Variants in ZAP70 observed in about 807,000 individuals in gnomAD.
ZAP70 encodes the protein zeta chain of T cell receptor associated protein kinase 70, also known as tyrosine-protein kinase ZAP-70.
ZAP70 carries 27 observed loss-of-function variants against 65.8 expected under a neutral mutation model. The observed-to-expected ratio is 0.41, with a 90% CI of 0.30 to 0.57. The LOEUF (loss-of-function observed/expected upper bound fraction) is 0.57, where lower values mean the gene tolerates loss of function less well. Ranked by LOEUF, ZAP70 falls within the 20% of genes least tolerant of loss-of-function variation. The probability of loss-of-function intolerance (pLI) is 0.28; values close to 1 mark genes in which losing one functional copy is unlikely to be tolerated. For missense variants in ZAP70, 696 were observed against 870.5 expected, an observed-to-expected ratio of 0.80 and a Z score of 2.52; for synonymous variants, 363 against 360.8, an observed-to-expected ratio of 1.01 and a Z score of -0.07.
At chr2:97,734,813 A>T in intron 9 of ZAP70, 101 bp downstream of exon 9, 1 of 1,462,350 alleles carries the variant, frequency 6.8e-7, no homozygotes, top group Non-Finnish European at 9.4e-7. Flanking sequence ...GTCTCACAGC[A>T]GTTTGCCTGG....
chr2:97,724,886 G>T, intron 3 of ZAP70: 7 of 1,531,788 alleles, frequency 4.6e-6, no homozygotes, highest in Non-Finnish European at 6.1e-6. Flanking sequence ...TTGGGGCCGC[G>T]CTGGAAGGTG....
chr2:97,744,572 C>G (rs1010745946), downstream of ZAP70, among the ~76,000 whole-genome samples: 3 of 152,134 alleles, frequency 2.0e-5, no homozygotes, highest in African/African-American at 7.2e-5. Flanking sequence ...TGGAGGAAAG[C>G]AAACTGGGGA....
At chr2:97,744,340 A>G (rs1422281313), downstream of ZAP70, among the ~76,000 whole-genome samples, 1 of 152,298 alleles carries the variant, frequency 6.6e-6, no homozygotes, top group East Asian at 1.9e-4. Flanking sequence ...AAGTGAAAAA[A>G]ACCAAAACTG....
At chr2:97,751,680 G>A in the ZAP70 span, among the ~76,000 whole-genome samples, 1 of 152,198 alleles carries the variant, frequency 6.6e-6, no homozygotes, top group African/African-American at 2.4e-5. Flanking sequence ...GTGTGAAGAG[G>A]TTTATTTGGC....
chr2:97,756,156 A>ATGAT, the ZAP70 span, among the ~76,000 whole-genome samples: 13,692 of 152,250 alleles, frequency 0.09, 699 homozygotes, highest in Middle Eastern at 0.17. Flanking sequence ...AGGACCCTCC[A>ATGAT]TGATTGCCAT....
chr2:97,731,219 G>A lies in ZAP70; in HGVS notation c.564-1664G>A, dbSNP rs1481384242. Among the ~76,000 whole-genome samples the A allele has an allele frequency of 6.6e-6, 1 of 152,138 alleles. No homozygotes were observed. Among genetic ancestry groups the A allele is most frequent in the Non-Finnish European group, 1.5e-5 (1 of 68,028 alleles). On this transcript the variant is annotated intron_variant, in intron 4 of 13. Transcript: ENST00000264972. This position sits in a 1 kb window ranked among gnomAD's most constrained non-coding sequence, Gnocchi z 4.0. ...CAGTCCCTGGAGACCATCACCTCCA[G>A]GCCAGCCTGCCACCTGCCTCTGACT...
At chr2:97,755,148 A>C in the ZAP70 span, among the ~76,000 whole-genome samples, 1 of 152,218 alleles carries the variant, frequency 6.6e-6, no homozygotes, top group African/African-American at 2.4e-5. Context: ...CAATGAGAAA[A>C]GCAAGTTGGA....
intron 2 of ZAP70, among the ~76,000 whole-genome samples, chr2:97,721,785 CTT>C (rs1462513008): frequency 2.1e-5 from 3 of 140,980 alleles, no homozygotes; most frequent in African/African-American, 2.6e-5. Context: ...TTTATTTTAT[CTT>C]TTTTTTTTTT....
chr2:97,732,724 TG>T, intron 4 of ZAP70, 158 bp from the exon 5 acceptor site: 1 of 1,033,838 alleles, frequency 9.7e-7, no homozygotes, highest in Non-Finnish European at 1.4e-6. Flanking sequence ...TCAGCAGATC[TG>T]GAGGTGATGG....
chr2:97,753,684 T>C, the ZAP70 span, among the ~76,000 whole-genome samples: 2 of 152,164 alleles, frequency 1.3e-5, no homozygotes, highest in Non-Finnish European at 2.9e-5. Flanking sequence ...TATAAACATA[T>C]AAGATACCTG....
At chr2:97,727,705 G>C (rs1342304470) in intron 4 of ZAP70, among the ~76,000 whole-genome samples, 1 of 152,090 alleles carries the variant, frequency 6.6e-6, no homozygotes, top group Non-Finnish European at 1.5e-5. Context: ...TGTCTTCTTT[G>C]ATTTTATAAT....
At chr2:97,716,498 G>C (rs1221097902) in intron 2 of ZAP70, among the ~76,000 whole-genome samples, 1 of 152,344 alleles carries the variant, frequency 6.6e-6, no homozygotes, top group East Asian at 1.9e-4. Context: ...GGGCTAGAGA[G>C]AGAAGGAGAG....
At chr2:97,724,491 C>T (rs1267615910) in intron 3 of ZAP70, 53 bp downstream of exon 3, 5 of 1,504,946 alleles carry the variant, frequency 3.3e-6, no homozygotes, top group Non-Finnish European at 4.4e-6. Context: ...CGAAGAGGGG[C>T]AGTCGAGGGT....
At chr2:97,747,232 G>GT in the ZAP70 span, among the ~76,000 whole-genome samples, 7 of 152,306 alleles carry the variant, frequency 4.6e-5, no homozygotes, top group African/African-American at 1.4e-4. Flanking sequence ...AATGGAAAAC[G>GT]TATGTTCACA....
Position 97,731,512 on chromosome 2 carries a change from T to C in ZAP70, c.564-1371T>C, listed in dbSNP as rs1217171922. On this transcript the variant is annotated intron_variant, in intron 4 of 13. Coordinates refer to ENST00000264972, the MANE Select transcript of ZAP70 (RefSeq NM_001079.4). This position sits in a 1 kb window ranked among gnomAD's most constrained non-coding sequence, Gnocchi z 4.0. ...CCCGCCCTGATTTCCCATCTCTCCA[T>C]GTTATCTCCAGACTGTTGTGGGCTA... 2.6e-5 allele frequency among the ~76,000 whole-genome samples: 4 copies of C among 152,142 alleles called. No individual in the cohort carries two copies. The highest frequency in any genetic ancestry group is 4.4e-5 in the Non-Finnish European group (3 of 68,022).
At chr2:97,732,399 C>A (rs143579012) in intron 4 of ZAP70, among the ~76,000 whole-genome samples, 9 of 152,324 alleles carry the variant, frequency 5.9e-5, no homozygotes, top group Non-Finnish European at 1.3e-4. Context: ...CTGTTGAAGG[C>A]TCTGGGTCTG....
chr2:97,735,601 C>A, intron 10 of ZAP70, 145 bp downstream of exon 10: 1 of 919,316 alleles, frequency 1.1e-6, no homozygotes, highest in Non-Finnish European at 1.6e-6. Flanking sequence ...TGCACACCCA[C>A]ACCCATACCC....
intron 4 of ZAP70, among the ~76,000 whole-genome samples, chr2:97,728,546 G>A (rs369823361): frequency 1.3e-5 from 2 of 152,170 alleles, no homozygotes; most frequent in East Asian, 1.9e-4. Context: ...AGAAAGACAC[G>A]TGCTACTCAG....
In ZAP70 at chr2:97,725,076, G is replaced by A. The variant is rs760377325; in HGVS notation, c.403-16G>A. 7 of 1,613,582 alleles carry A rather than the reference G, an allele frequency of 4.3e-6. No homozygotes were observed. The East Asian group carries it at 1.3e-4, about 31-fold the overall frequency. On this transcript the variant is annotated splice_polypyrimidine_tract_variant and intron_variant, in intron 3 of 13. Transcript: ENST00000264972. ...CTTGGCCACACCTACAGACCTCCTC[G>A]CCTCTCCTTTTCTAGGGCGAGGCCC...
Sources: allele counts gnomAD v4.1 joint callset (sites outside exome capture counted in the v4.1 genomes callset), GRCh38; gene constraint gnomAD v4.1.1; non-coding constraint Gnocchi (gnomAD v3.1); transcripts MANE v1.5; gene names NCBI Gene and HGNC (gene_info 2026-07-23, HGNC 2026-07-21).